The following SMARCA4 variants were observed in gnomAD, a reference collection of about 807,000 sequenced individuals.
The protein encoded by SMARCA4 is SWI/SNF related BAF chromatin remodeling complex subunit ATPase 4.
SMARCA4 carries 31 observed loss-of-function variants against 193.9 expected under a neutral mutation model. That is an observed-to-expected ratio of 0.16 (90% confidence interval 0.12 to 0.22). The LOEUF is 0.22. Among genes scored for constraint, SMARCA4 ranks in the 10% least tolerant of loss-of-function variants. The probability of loss-of-function intolerance (pLI) is 1.00; values close to 1 mark genes in which losing one functional copy is unlikely to be tolerated. For missense variants in SMARCA4, 1,148 were observed against 2,296.0 expected (o/e 0.50, Z 10.22); for synonymous variants, 942 against 933.1 (o/e 1.01, Z -0.17).
chr19:10,963,026 T>C (rs1209769975), intron 1 of SMARCA4, among the ~76,000 whole-genome samples: 2 of 151,976 alleles, frequency 1.3e-5, no homozygotes, highest in African/African-American at 4.8e-5. Flanking sequence ...AGCGAACTTA[T>C]GTGGATTGAA....
intron 18 of SMARCA4, among the ~76,000 whole-genome samples, chr19:11,020,351 C>T (rs1236706066): frequency 6.6e-6 from 1 of 152,062 alleles, no homozygotes; most frequent in Non-Finnish European, 1.5e-5. Flanking sequence ...AAAGATGTAC[C>T]TGGTCTCACC....
chr19:10,985,496 C>A lies in SMARCA4; in HGVS notation c.355+91C>A, dbSNP rs901378371. 9.4e-5 allele frequency: 137 copies of A among 1,463,208 alleles called. No individual in the cohort carries two copies. The highest frequency in any genetic ancestry group is 1.2e-4 in the Non-Finnish European group (130 of 1,070,594). The allele number at this position is 1,463,208 out of a possible 1,614,324, so 90.6% of individuals were successfully genotyped here. ...CCCCTGGGTTCCCACAGGATGGATTCAGGGAGTACCTAGGATGATGTAGCC... is the reference window on the plus strand; with the variant it reads ...CCCCTGGGTTCCCACAGGATGGATTAAGGGAGTACCTAGGATGATGTAGCC... On this transcript the variant is annotated intron_variant, in intron 3 of 34. Transcript: ENST00000344626. This position sits in a 1 kb window ranked among gnomAD's most constrained non-coding sequence, Gnocchi z 4.5.
At chr19:11,057,727 CA>C (rs1033290094) in intron 30 of SMARCA4, among the ~76,000 whole-genome samples, 1 of 150,070 alleles carries the variant, frequency 6.7e-6, no homozygotes, top group African/African-American at 2.5e-5. Flanking sequence ...GACTCTGTCT[CA>C]AAAAAAACAA....
intron 24 of SMARCA4, 27 bp downstream of exon 24, chr19:11,027,977 T>C: frequency 6.2e-7 from 1 of 1,612,344 alleles, no homozygotes; most frequent in Non-Finnish European, 8.5e-7. Flanking sequence ...GAGGCGTTTC[T>C]TACAGGGTTT....
chr19:10,988,012 G>A (rs2145826997), intron 6 of SMARCA4, 88 bp downstream of exon 6: 4 of 1,378,532 alleles, frequency 2.9e-6, no homozygotes, highest in South Asian at 1.2e-5. Context: ...CCCCACTCTA[G>A]CAAACAGTGC....
At chr19:11,029,468 A>G (rs4804561) in intron 24 of SMARCA4, among the ~76,000 whole-genome samples, 28,405 of 152,276 alleles carry the variant, frequency 0.19, 3,062 homozygotes, top group Middle Eastern at 0.26. Context: ...AGCTCAGTGA[A>G]GTCTCCTGAG....
intron 1 of SMARCA4, among the ~76,000 whole-genome samples, chr19:10,978,898 G>A (rs926615318): frequency 6.6e-6 from 1 of 152,028 alleles, no homozygotes; most frequent in African/African-American, 2.4e-5. Context: ...GCAGTGAGCC[G>A]AGATCACGCC....
At chr19:10,970,938 CCT>C (rs1267068925) in intron 1 of SMARCA4, among the ~76,000 whole-genome samples, 1 of 152,158 alleles carries the variant, frequency 6.6e-6, no homozygotes, top group Non-Finnish European at 1.5e-5. Flanking sequence ...GTGGCTCACG[CCT>C]GTAATCCCAG....
chr19:11,004,993 G>A (rs953842244), intron 13 of SMARCA4, among the ~76,000 whole-genome samples: 8 of 151,912 alleles, frequency 5.3e-5, no homozygotes, highest in African/African-American at 1.9e-4. Flanking sequence ...CACCAAACCC[G>A]GCTAATTTTT....
intron 16 of SMARCA4, among the ~76,000 whole-genome samples, chr19:11,015,384 C>T (rs909872600): frequency 2.6e-5 from 4 of 152,134 alleles, no homozygotes; most frequent in African/African-American, 4.8e-5. Flanking sequence ...TCGAGCTTGA[C>T]GCTGTTGAAT....
rs748176071 is a variant in SMARCA4 at position 11,058,236 on chromosome 19, C to T, written c.4425-19C>T. ...GGTGGGCGGACTCGGGGGTGATAGC[C>T]GCCGGTTCTGCCTTGCAGCAGCAGT... On this transcript the variant is annotated intron_variant, in intron 30 of 34. Coordinates refer to ENST00000344626, the MANE Select transcript of SMARCA4 (RefSeq NM_003072.5). This position sits in a 1 kb window ranked among gnomAD's most constrained non-coding sequence, Gnocchi z 5.8. 1.4e-5 allele frequency: 22 copies of T among 1,589,922 alleles called. No individual in the cohort carries two copies. The highest frequency in any genetic ancestry group is 8.1e-5 in the African/African-American group (6 of 74,520).
chr19:10,993,964 A>G (rs1368960816), intron 8 of SMARCA4, among the ~76,000 whole-genome samples: 2 of 152,044 alleles, frequency 1.3e-5, no homozygotes, highest in Admixed American at 6.5e-5. Flanking sequence ...TTTTATCATC[A>G]GAGAGAGAAA....
At chr19:11,059,928 C>T (rs767190314) in intron 33 of SMARCA4, 43 bp downstream of exon 33, 1 of 1,613,518 alleles carries the variant, frequency 6.2e-7, no homozygotes, top group Non-Finnish European at 8.5e-7. Context: ...TCACGCTGGC[C>T]CGAGAGCCCC....
rs764287549 is a variant in SMARCA4, at chr19:11,030,907, G to A, written c.3546+14G>A. 21 of 1,607,566 alleles carry A rather than the reference G, an allele frequency of 1.3e-5. No individual in the cohort carries two copies. The African/African-American group carries it at 1.6e-4, about 12-fold the overall frequency. ...AATCCTCACCAGGTAAAAGCGGGCC[G>A]GGCCCCAGGTCGAGGAGAAGGAAGG... On this transcript the variant is annotated intron_variant, in intron 25 of 34. Transcript: ENST00000344626. This position sits in a 1 kb window ranked among gnomAD's most constrained non-coding sequence, Gnocchi z 5.5.
intron 29 of SMARCA4, chr19:11,039,429 TA>T: frequency 1.4e-6 from 2 of 1,439,502 alleles, no homozygotes; most frequent in South Asian, 2.5e-5. Flanking sequence ...ACTGAAACAC[TA>T]AACAGACATT....
intron 24 of SMARCA4, among the ~76,000 whole-genome samples, chr19:11,028,608 G>A (rs1009179761): frequency 2.6e-5 from 4 of 152,232 alleles, no homozygotes; most frequent in Admixed American, 6.5e-5. Flanking sequence ...AGCAGCTGCC[G>A]TAGAGAGGCT....
At chr19:10,997,751 G>A (rs960182319) in intron 11 of SMARCA4, among the ~76,000 whole-genome samples, 11 of 152,168 alleles carry the variant, frequency 7.2e-5, no homozygotes, top group African/African-American at 2.7e-4. Context: ...ATAGGCATGA[G>A]CCCCCGCACC....
intron 1 of SMARCA4, among the ~76,000 whole-genome samples, chr19:10,975,263 T>A (rs937610203): frequency 6.6e-6 from 1 of 151,186 alleles, no homozygotes; most frequent in Admixed American, 6.6e-5. Context: ...GTGATCTGCC[T>A]TCCTTGGCCT....
At chr19:10,980,027 T>C (rs1024890843) in intron 1 of SMARCA4, among the ~76,000 whole-genome samples, 1 of 152,188 alleles carries the variant, frequency 6.6e-6, no homozygotes, top group Admixed American at 6.5e-5. Context: ...CTCTCCACTT[T>C]GTGCTGCAAG....
Sources: gnomAD v4.1 joint callset for allele counts (sites outside exome capture counted in the v4.1 genomes callset) on GRCh38, gnomAD v4.1.1 for gene constraint, Gnocchi (gnomAD v3.1) non-coding constraint, MANE v1.5 for transcripts, NCBI Gene and HGNC (gene_info 2026-07-23, HGNC 2026-07-21) for gene names.